Variants in PLOD2 observed in about 807,000 individuals in gnomAD.
PLOD2 encodes the protein lysine hydroxylase 2.
PLOD2 carries 65 observed loss-of-function variants against 101.0 expected under a neutral mutation model. The observed-to-expected ratio is 0.64, with a 90% CI of 0.53 to 0.79. PLOD2 has a LOEUF of 0.79. Among genes scored for constraint, PLOD2 ranks in the 30% least tolerant of loss-of-function variants. PLOD2 has a pLI of 0.00. For missense variants in PLOD2, 909 were observed against 914.6 expected, an observed-to-expected ratio of 0.99 and a Z score of 0.08; for synonymous variants, 314 against 302.9, an observed-to-expected ratio of 1.04 and a Z score of -0.38.
intron 4 of PLOD2, among the ~76,000 whole-genome samples, chr3:146,109,397 G>C (rs142620442): frequency 3.9e-4 from 60 of 152,304 alleles, no homozygotes; most frequent in African/African-American, 1.4e-3. Flanking sequence ...GCAAAGAGCT[G>C]AAATTGAGGC....
chr3:146,135,752 G>A (rs1286731663), intron 1 of PLOD2, among the ~76,000 whole-genome samples: 3 of 151,834 alleles, frequency 2.0e-5, no homozygotes, highest in Non-Finnish European at 2.9e-5. Context: ...TATTCCACTC[G>A]GCATCTTTTT....
intron 7 of PLOD2, among the ~76,000 whole-genome samples, chr3:146,098,743 A>G (rs1937286719): frequency 6.6e-6 from 1 of 152,088 alleles, no homozygotes; most frequent in Non-Finnish European, 1.5e-5. Context: ...TAATGAAAAA[A>G]CTGCTTAAAT....
intron 1 of PLOD2, 43 bp downstream of exon 1, chr3:146,160,838 C>A (rs1221007748): frequency 3.1e-6 from 4 of 1,288,128 alleles, no homozygotes; most frequent in Non-Finnish European, 4.4e-6. Context: ...GCCCCCCCGC[C>A]GGCCGAGCCT....
chr3:146,111,446 A>G (rs935399204), intron 3 of PLOD2, among the ~76,000 whole-genome samples: 1 of 152,166 alleles, frequency 6.6e-6, no homozygotes, highest in Admixed American at 6.6e-5. Context: ...AGTGTAAAGT[A>G]TAAAATGGAG....
intron 13 of PLOD2, 113 bp from the exon 14 acceptor site, chr3:146,078,037 T>C: frequency 4.0e-6 from 3 of 756,988 alleles, no homozygotes; most frequent in Non-Finnish European, 7.3e-6. Flanking sequence ...TTCTGAAATG[T>C]CCTTCATAGA....
At chr3:146,083,037 T>G (rs572095819) in intron 11 of PLOD2, among the ~76,000 whole-genome samples, 1 of 152,204 alleles carries the variant, frequency 6.6e-6, no homozygotes, top group South Asian at 2.1e-4. Flanking sequence ...AATAATAACA[T>G]GAATTAGAAT....
intron 4 of PLOD2, among the ~76,000 whole-genome samples, chr3:146,107,904 A>C (rs879740502): frequency 6.6e-6 from 1 of 152,014 alleles, no homozygotes; most frequent in Non-Finnish European, 1.5e-5. Flanking sequence ...TCAGCCTCCC[A>C]AAGTGCTGAG....
At chr3:146,096,879 GT>G (rs1937190355) in intron 7 of PLOD2, among the ~76,000 whole-genome samples, 1 of 75,080 alleles carries the variant, frequency 1.3e-5, no homozygotes, top group Non-Finnish European at 2.9e-5. Context: ...CGGGAGGGAG[GT>G]GGGGGGGGGG....
chr3:146,081,675 C>T (rs1211116613), intron 12 of PLOD2, 63 bp downstream of exon 12: 4 of 1,432,572 alleles, frequency 2.8e-6, no homozygotes, highest in Non-Finnish European at 3.9e-6. Context: ...TCAAGTAATA[C>T]TAACAAGACT....
In PLOD2 at chr3:146,086,922, T is replaced by C. The variant is rs758373033; in HGVS notation, c.1006-14A>G. ...ATGATAAACTTCCTGTAACATATTT[T>C]AAAAATCAAAAATTAGAGAATAAGA... is the stretch of plus-strand genomic sequence containing the variant. On this transcript the variant is annotated splice_polypyrimidine_tract_variant and intron_variant, in intron 9 of 19. Coordinates refer to ENST00000282903, the MANE Select transcript of PLOD2 (RefSeq NM_182943.3). 15 of 1,446,912 alleles carry C rather than the reference T, an allele frequency of 1.0e-5. No individual in the cohort carries two copies. Among genetic ancestry groups the C allele is most frequent in the Admixed American group, 1.8e-5 (1 of 55,912 alleles). 89.6% of individuals were successfully genotyped at this position (1,446,912 alleles called of 1,614,324 possible).
chr3:146,123,128 T>C (rs1479122120), intron 2 of PLOD2: 1 of 187,290 alleles, frequency 5.3e-6, no homozygotes, highest in Non-Finnish European at 1.1e-5. Context: ...TATTTACATC[T>C]ATACTTAGTA....
chr3:146,091,228 T>C (rs1010393682), intron 8 of PLOD2, among the ~76,000 whole-genome samples: 1 of 151,834 alleles, frequency 6.6e-6, no homozygotes, highest in African/African-American at 2.4e-5. Flanking sequence ...AGACTCCCTA[T>C]ATTCAAATCC....
intron 1 of PLOD2, among the ~76,000 whole-genome samples, chr3:146,127,073 T>C (rs1336408158): frequency 6.6e-6 from 1 of 152,212 alleles, no homozygotes; most frequent in Non-Finnish European, 1.5e-5. Context: ...CAGTTACTCA[T>C]TGTTGCATAC....
intron 7 of PLOD2, among the ~76,000 whole-genome samples, chr3:146,101,822 AAGAT>A (rs1413334319): frequency 6.6e-6 from 1 of 152,200 alleles, no homozygotes; most frequent in East Asian, 1.9e-4. Flanking sequence ...AACTGATTAT[AAGAT>A]AGAGACTGAA....
At chr3:146,135,458 T>C (rs1313951947) in intron 1 of PLOD2, among the ~76,000 whole-genome samples, 2 of 152,174 alleles carry the variant, frequency 1.3e-5, no homozygotes, top group Non-Finnish European at 2.9e-5. Flanking sequence ...CATCTTTATG[T>C]AAGGAGGTAT....
chr3:146,070,363 C>T lies in PLOD2; in HGVS notation c.*354G>A, dbSNP rs1302079124. On this transcript the variant is annotated 3_prime_UTR_variant, in exon 20 of 20. Coordinates refer to ENST00000282903, the MANE Select transcript of PLOD2 (RefSeq NM_182943.3). ...TTTGATAAATAAAAATCTTCCCATG[C>T]TTTTTTTAAATAAGAAAATATTATT... 6.4e-6 allele frequency: 1 copy of T among 155,862 alleles called. No individual in the cohort carries two copies. The highest frequency in any genetic ancestry group is 2.4e-5 in the African/African-American group (1 of 41,496). The allele number at this position is 155,862 out of a possible 1,614,324, so 9.7% of individuals were successfully genotyped here.
chr3:146,158,286 A>G (rs956596758), intron 1 of PLOD2, among the ~76,000 whole-genome samples: 48 of 152,170 alleles, frequency 3.2e-4, no homozygotes, highest in African/African-American at 1.2e-3. Flanking sequence ...AACAATTCCT[A>G]TACGTTATTT....
At chr3:146,152,646 C>T (rs903876342) in intron 1 of PLOD2, among the ~76,000 whole-genome samples, 5 of 152,090 alleles carry the variant, frequency 3.3e-5, no homozygotes, top group Admixed American at 6.5e-5. Flanking sequence ...GAGAAAGAAA[C>T]GCTGGACAAG....
chr3:146,141,651 A>G (rs1375552008), intron 1 of PLOD2, among the ~76,000 whole-genome samples: 2 of 152,238 alleles, frequency 1.3e-5, no homozygotes, highest in East Asian at 1.9e-4. Context: ...ATGTAAACCT[A>G]ATAGATCCCC....
Sources: gnomAD v4.1 joint callset for allele counts (sites outside exome capture counted in the v4.1 genomes callset) on GRCh38, gnomAD v4.1.1 for gene constraint, MANE v1.5 for transcripts, NCBI Gene and HGNC (gene_info 2026-07-23, HGNC 2026-07-21) for gene names.